TMEM217: variants seen among roughly 807,000 people sequenced by gnomAD.
TMEM217 encodes the protein chromosome 6 open reading frame 128.
For missense variants in TMEM217, 204 were observed against 248.8 expected (o/e 0.82, Z 1.21); for synonymous variants, 76 against 88.3 (o/e 0.86, Z 0.78).
chr6:37,218,515 C>T (rs767150772), exon 2 of TMEM217: 23 of 1,613,922 alleles, frequency 1.4e-5, no homozygotes, highest in Admixed American at 3.3e-5. Flanking sequence ...GGAGAATCTC[C>T]GCTGTAGAAA....
At chr6:37,253,501 A>G (rs1212702501) in intron 1 of TMEM217, among the ~76,000 whole-genome samples, 5 of 152,166 alleles carry the variant, frequency 3.3e-5, no homozygotes, top group African/African-American at 9.7e-5. Context: ...CTTCTCTAAT[A>G]TAACTGATCT....
intron 1 of TMEM217, among the ~76,000 whole-genome samples, chr6:37,235,588 G>A (rs534490944): frequency 3.0e-5 from 4 of 134,104 alleles, no homozygotes; most frequent in South Asian, 2.7e-4. Flanking sequence ...GGATGGTCTC[G>A]ATCTCCTGAC....
intron 1 of TMEM217, among the ~76,000 whole-genome samples, chr6:37,220,889 A>C (rs977182909): frequency 2.0e-5 from 3 of 152,004 alleles, no homozygotes; most frequent in African/African-American, 7.2e-5. Context: ...CATTATTTAA[A>C]ATTTTTGTTT....
intron 1 of TMEM217, among the ~76,000 whole-genome samples, chr6:37,236,230 T>C (rs1367087544): frequency 6.6e-6 from 1 of 152,038 alleles, no homozygotes. Context: ...CAAGTGATTC[T>C]CCCACCTCTG....
chr6:37,240,250 G>T (rs1764699390), intron 1 of TMEM217, among the ~76,000 whole-genome samples: 1 of 152,198 alleles, frequency 6.6e-6, no homozygotes, highest in African/African-American at 2.4e-5. Flanking sequence ...TAGGTGGGTG[G>T]TTCTGGTTCA....
At chr6:37,238,407 C>G (rs1482488928) in intron 1 of TMEM217, among the ~76,000 whole-genome samples, 1 of 152,170 alleles carries the variant, frequency 6.6e-6, no homozygotes, top group Non-Finnish European at 1.5e-5. Flanking sequence ...CGTTAGCTTC[C>G]TTCCCAATAC....
At chr6:37,216,083 A>T (rs1423944709), downstream of TMEM217, among the ~76,000 whole-genome samples, 1 of 151,502 alleles carries the variant, frequency 6.6e-6, no homozygotes, top group African/African-American at 2.4e-5. Flanking sequence ...TTATTTATTT[A>T]TTTATTTATT....
chr6:37,237,867 T>C (rs1764577216), intron 1 of TMEM217, among the ~76,000 whole-genome samples: 1 of 152,042 alleles, frequency 6.6e-6, no homozygotes, highest in Admixed American at 6.6e-5. Context: ...GCAAGAAAAC[T>C]CTAAAACTGT....
intron 1 of TMEM217, among the ~76,000 whole-genome samples, chr6:37,247,688 A>G (rs1239982728): frequency 6.6e-6 from 1 of 152,128 alleles, no homozygotes; most frequent in African/African-American, 2.4e-5. Context: ...AGGGCAAACT[A>G]TTAAGCCAAC....
exon 1 of TMEM217, chr6:37,257,792 A>C: frequency 9.7e-7 from 1 of 1,032,522 alleles, no homozygotes; most frequent in Non-Finnish European, 1.4e-6. Context: ...TGGCGTCCCC[A>C]GGAGCTGGGA....
At chr6:37,225,019 A>C (rs1358807163) in intron 1 of TMEM217, among the ~76,000 whole-genome samples, 3 of 151,436 alleles carry the variant, frequency 2.0e-5, no homozygotes, top group South Asian at 2.1e-4. Context: ...TAAAAAAAAA[A>C]AAAAAAACAC....
At position 37,239,912 on chromosome 6, in the gene TMEM217, ATG is replaced by A. The variant is rs201726734; in HGVS notation, c.-12+17654_-12+17655del. On this transcript the variant is annotated intron_variant, in intron 1 of 1. Coordinates refer to ENST00000357219, the Ensembl canonical transcript of TMEM217. ...TCATTAAAAAAAAAAAAAAAGAAGA[ATG>A]CATTTGGCTGCAAGGAACAGAGACT... Among the ~76,000 whole-genome samples the A allele has an allele frequency of 7.3e-3, 1,103 of 151,962 alleles. 7 individuals carry two copies. The highest frequency in any genetic ancestry group is 0.012 in the Non-Finnish European group (804 of 67,942).
At chr6:37,238,086 C>A (rs1395043004) in intron 1 of TMEM217, among the ~76,000 whole-genome samples, 1 of 151,014 alleles carries the variant, frequency 6.6e-6, no homozygotes, top group Non-Finnish European at 1.5e-5. Context: ...GAGAGCCATG[C>A]ATGGACCAAT....
intron 1 of TMEM217, among the ~76,000 whole-genome samples, chr6:37,236,319 C>A (rs548059119): frequency 6.6e-6 from 1 of 152,052 alleles, no homozygotes; most frequent in East Asian, 1.9e-4. Flanking sequence ...GTTTTTTAGG[C>A]CCTGAACTAA....
chr6:37,251,386 A>G (rs560168263), intron 1 of TMEM217, among the ~76,000 whole-genome samples: 1 of 134,862 alleles, frequency 7.4e-6, no homozygotes, highest in South Asian at 2.5e-4. Flanking sequence ...ACTGCACTAG[A>G]GAAAAATTTC....
At chr6:37,213,120 G>A (rs1762998115), downstream of TMEM217, 1 of 693,766 alleles carries the variant, frequency 1.4e-6, no homozygotes, top group African/African-American at 1.8e-5. Context: ...CAGGCAATAG[G>A]CTGGAAGTTA....
intron 1 of TMEM217, among the ~76,000 whole-genome samples, chr6:37,247,880 T>A (rs1422262926): frequency 6.6e-6 from 1 of 152,138 alleles, no homozygotes; most frequent in Non-Finnish European, 1.5e-5. Flanking sequence ...ATGCCATGAG[T>A]GTGAACAGCA....
intron 1 of TMEM217, among the ~76,000 whole-genome samples, chr6:37,250,136 A>T (rs1385070935): frequency 1.3e-5 from 2 of 152,220 alleles, no homozygotes; most frequent in African/African-American, 4.8e-5. Flanking sequence ...GTCTAAAAGA[A>T]GCAGGCAACA....
At chr6:37,248,791 C>T (rs1765233017) in intron 1 of TMEM217, among the ~76,000 whole-genome samples, 1 of 152,204 alleles carries the variant, frequency 6.6e-6, no homozygotes, top group Non-Finnish European at 1.5e-5. Context: ...TCTTTATATC[C>T]TGCATGAGCT....
Sources: gnomAD v4.1 joint callset for allele counts (sites outside exome capture counted in the v4.1 genomes callset) on GRCh38, gnomAD v4.1.1 for gene constraint, MANE v1.5 for transcripts, NCBI Gene and HGNC (gene_info 2026-07-23, HGNC 2026-07-21) for gene names.